INPP5A: variants seen among roughly 807,000 people sequenced by gnomAD.
INPP5A encodes inositol polyphosphate-5-phosphatase A, also known as 43 kDa inositol polyphosphate 5-phophatase.
INPP5A carries 14 observed loss-of-function variants against 65.2 expected under a neutral mutation model. The ratio of observed to expected loss-of-function variants is 0.21; its 90% confidence interval spans 0.14 to 0.34. INPP5A has a LOEUF of 0.34. Ranked by LOEUF, INPP5A falls within the 10% of genes least tolerant of loss-of-function variation. The pLI, the probability that INPP5A is intolerant of heterozygous loss-of-function variation, is 1.00. For synonymous variants in INPP5A, 207 were observed against 208.3 expected (o/e 0.99, Z 0.05); for missense variants, 431 against 545.6 (o/e 0.79, Z 2.09).
At chr10:132,626,442 A>G (rs1481522389) in intron 2 of INPP5A, among the ~76,000 whole-genome samples, 1 of 152,214 alleles carries the variant, frequency 6.6e-6, no homozygotes, top group Non-Finnish European at 1.5e-5. Context: ...TCACGCCTGC[A>G]GCCAGTAGGT....
At chr10:132,769,071 C>T (rs1179181349) in intron 12 of INPP5A, among the ~76,000 whole-genome samples, 1 of 152,238 alleles carries the variant, frequency 6.6e-6, no homozygotes, top group African/African-American at 2.4e-5. Flanking sequence ...TTGGTGCGTA[C>T]ACTGGCAGAG....
Position 132,650,588 on chromosome 10 carries a change from G to A in INPP5A, c.306+83G>A, listed in dbSNP as rs1454569474. On this transcript the variant is annotated intron_variant, in intron 4 of 15. Transcript: ENST00000368594. This position sits in a 1 kb window ranked among gnomAD's most constrained non-coding sequence, Gnocchi z 5.5. The stretch of plus-strand genomic sequence containing the variant: ...AGCCCTTCTCCTGTGTAAATGGAGA[G>A]AGGTCGGGGTGCTCCCTGCCTGAAG... 1.0e-6 allele frequency: 1 copy of A among 988,050 alleles called. No homozygotes were observed. Among genetic ancestry groups the A allele is most frequent in the African/African-American group, 1.6e-5 (1 of 62,882 alleles). The allele number at this position is 988,050 out of a possible 1,614,324, so 61.2% of individuals were successfully genotyped here. A position where few individuals can be genotyped will look rare whatever the true frequency, so the allele number is the denominator to read the frequency against.
At chr10:132,544,596 A>G (rs1489017602) in intron 1 of INPP5A, among the ~76,000 whole-genome samples, 1 of 151,978 alleles carries the variant, frequency 6.6e-6, no homozygotes, top group Non-Finnish European at 1.5e-5. Context: ...GCTGCAGGGT[A>G]CGGGAGCTGC....
At chr10:132,695,754 A>T (rs1459303499) in intron 5 of INPP5A, among the ~76,000 whole-genome samples, 1 of 152,270 alleles carries the variant, frequency 6.6e-6, no homozygotes, top group East Asian at 1.9e-4. Flanking sequence ...TTGCTTAAGC[A>T]CACACCAAAA....
At chr10:132,689,980 G>C (rs1313708247) in intron 4 of INPP5A, among the ~76,000 whole-genome samples, 2 of 151,842 alleles carry the variant, frequency 1.3e-5, no homozygotes, top group Non-Finnish European at 2.9e-5. Flanking sequence ...ATGCCCGGCC[G>C]GTGGGACCTG....
intron 12 of INPP5A, among the ~76,000 whole-genome samples, chr10:132,773,763 A>C (rs1846996910): frequency 6.6e-6 from 1 of 152,144 alleles, no homozygotes; most frequent in African/African-American, 2.4e-5. Context: ...CCCTCGAGAT[A>C]CGGGCGAGGG....
At chr10:132,781,807 TGCTGTGCTGTCCCGCGTGC>T (rs939928021) in intron 14 of INPP5A, 35 bp from the exon 15 acceptor site, 44 of 1,434,614 alleles carry the variant, frequency 3.1e-5, no homozygotes, top group Non-Finnish European at 4.1e-5. Context: ...CGGCGGCATG[TGCTGTGCTGTCCCGCGTGC>T]GCCGTGCTGA....
chr10:132,755,966 C>T (rs1038478146), intron 11 of INPP5A, among the ~76,000 whole-genome samples: 3 of 152,224 alleles, frequency 2.0e-5, no homozygotes, highest in East Asian at 3.8e-4. Flanking sequence ...GACATATGTC[C>T]AGGCACACCT....
At chr10:132,656,356 T>G (rs2072656264) in intron 4 of INPP5A, among the ~76,000 whole-genome samples, 1 of 152,194 alleles carries the variant, frequency 6.6e-6, no homozygotes, top group Admixed American at 6.5e-5. Flanking sequence ...GCAGAAGGGT[T>G]TATCTGCTGA....
In INPP5A at chr10:132,547,502, G is replaced by A. The variant is rs1473105508; in HGVS notation, c.75+9331G>A. Among the ~76,000 whole-genome samples the A allele has an allele frequency of 1.3e-5, 2 of 152,102 alleles. No homozygotes were observed. Among genetic ancestry groups the A allele is most frequent in the African/African-American group, 2.4e-5 (1 of 41,424 alleles). ...CCCAGCTGCCGTGGTGAATATAACCGGGAGGGAGTGCCCGCCTCTGCCCAC... is the reference window on the plus strand; with the variant it reads ...CCCAGCTGCCGTGGTGAATATAACCAGGAGGGAGTGCCCGCCTCTGCCCAC... On this transcript the variant is annotated intron_variant, in intron 1 of 15. Coordinates refer to ENST00000368594, the MANE Select transcript of INPP5A (RefSeq NM_005539.5). This position sits in a 1 kb window ranked among gnomAD's most constrained non-coding sequence, Gnocchi z 5.5.
At chr10:132,735,800 G>A (rs1459421729) in intron 9 of INPP5A, among the ~76,000 whole-genome samples, 3 of 152,230 alleles carry the variant, frequency 2.0e-5, no homozygotes, top group Admixed American at 6.5e-5. Context: ...TTGCCCTGCC[G>A]AGAGTTCAGG....
At chr10:132,598,561 A>C (rs1326624679) in intron 1 of INPP5A, among the ~76,000 whole-genome samples, 1 of 152,246 alleles carries the variant, frequency 6.6e-6, no homozygotes, top group African/African-American at 2.4e-5. Context: ...GCATAGTCAG[A>C]ATACCCTTCC....
intron 1 of INPP5A, among the ~76,000 whole-genome samples, chr10:132,583,293 A>T (rs2071507854): frequency 6.6e-6 from 1 of 152,188 alleles, no homozygotes; most frequent in African/African-American, 2.4e-5. Context: ...GGCCCCTCTG[A>T]ACCGTAGCTT....
chr10:132,572,618 G>T (rs1475029638), intron 1 of INPP5A, among the ~76,000 whole-genome samples: 1 of 152,176 alleles, frequency 6.6e-6, no homozygotes, highest in Non-Finnish European at 1.5e-5. Context: ...TAGCCCTTGG[G>T]AAGTGTTTTT....
chr10:132,610,420 G>A (rs566250291), intron 2 of INPP5A, among the ~76,000 whole-genome samples: 158 of 152,348 alleles, frequency 1.0e-3, no homozygotes, highest in Non-Finnish European at 1.8e-3. Flanking sequence ...GCCTAGCTCC[G>A]GGCCTGCACA....
At chr10:132,553,906 C>G (rs560784230) in intron 1 of INPP5A, among the ~76,000 whole-genome samples, 1 of 144,054 alleles carries the variant, frequency 6.9e-6, no homozygotes, top group Non-Finnish European at 1.5e-5. Context: ...GATTGGTGAA[C>G]GCCTTCTCAG....
At chr10:132,767,627 C>A (rs1162606093) in intron 12 of INPP5A, among the ~76,000 whole-genome samples, 1 of 152,226 alleles carries the variant, frequency 6.6e-6, no homozygotes, top group African/African-American at 2.4e-5. Context: ...AGGGCTCCCC[C>A]ATCCCGCTTG....
rs761604635 is a variant in INPP5A, at chr10:132,668,255, T to C, written c.306+17750T>C. Among the ~76,000 whole-genome samples, 3 of 152,092 alleles carry C rather than the reference T, an allele frequency of 2.0e-5. 1 individual carries two copies. Among genetic ancestry groups the C allele is most frequent in the Non-Finnish European group, 2.9e-5 (2 of 68,018 alleles). On this transcript the variant is annotated intron_variant, in intron 4 of 15. Transcript: ENST00000368594. ...GTCACTGATCCTTTCTTAGGTGAAA[T>C]GACACGAGAGCCTCACGTTCCTGCC...
At chr10:132,769,594 T>A (rs1846913599) in intron 12 of INPP5A, among the ~76,000 whole-genome samples, 1 of 152,210 alleles carries the variant, frequency 6.6e-6, no homozygotes, top group African/African-American at 2.4e-5. Flanking sequence ...GTGGCAGGGA[T>A]GAGTCTTGCC....
Sources: gnomAD v4.1 joint callset for allele counts (sites outside exome capture counted in the v4.1 genomes callset) on GRCh38, gnomAD v4.1.1 for gene constraint, Gnocchi (gnomAD v3.1) non-coding constraint, MANE v1.5 for transcripts, NCBI Gene and HGNC (gene_info 2026-07-23, HGNC 2026-07-21) for gene names.